RAD51B: variants seen among roughly 807,000 people sequenced by gnomAD.
RAD51B encodes the protein RAD51 paralog B.
Under a neutral mutation model 42.2 loss-of-function variants are expected in RAD51B, and 38 were observed. That is an observed-to-expected ratio of 0.90 (90% confidence interval 0.70 to 1.18). RAD51B has a LOEUF of 1.18. Ranked by LOEUF, RAD51B falls within the 50% of genes most tolerant of loss-of-function variation. The pLI is 0.00. For synonymous variants in RAD51B, 154 were observed against 145.2 expected (o/e 1.06, Z -0.43); for missense variants, 373 against 400.7 (o/e 0.93, Z 0.59).
At chr14:68,093,850 C>G (rs943104491) in intron 7 of RAD51B, among the ~76,000 whole-genome samples, 1 of 152,078 alleles carries the variant, frequency 6.6e-6, no homozygotes. Context: ...CTGGTACTCT[C>G]CAGGGTATGT....
intron 11 of RAD51B, among the ~76,000 whole-genome samples, chr14:68,670,046 G>C (rs192587706): frequency 1.3e-5 from 2 of 152,320 alleles, no homozygotes; most frequent in South Asian, 4.2e-4. Context: ...GGAGCCAAGC[G>C]CCCAGAATGG....
chr14:68,458,912 C>T (rs1053059358), intron 9 of RAD51B, among the ~76,000 whole-genome samples: 1 of 152,172 alleles, frequency 6.6e-6, no homozygotes, highest in Non-Finnish European at 1.5e-5. Flanking sequence ...AGTTTAGATG[C>T]CGCTAAACTC....
At chr14:67,893,943 T>TACCA (rs1230016050) in intron 7 of RAD51B, among the ~76,000 whole-genome samples, 2 of 152,228 alleles carry the variant, frequency 1.3e-5, no homozygotes, top group African/African-American at 4.8e-5. Flanking sequence ...GATTACTTTC[T>TACCA]ACCACCTTCA....
chr14:68,277,134 C>G (rs567011610), intron 7 of RAD51B, among the ~76,000 whole-genome samples: 4 of 152,112 alleles, frequency 2.6e-5, no homozygotes, highest in African/African-American at 9.7e-5. Flanking sequence ...TTCCATAGTC[C>G]TCTCTTGGAA....
intron 8 of RAD51B, among the ~76,000 whole-genome samples, chr14:68,398,692 G>A (rs992583712): frequency 8.5e-5 from 13 of 152,132 alleles, no homozygotes; most frequent in African/African-American, 2.9e-4. Flanking sequence ...GGGAAGCAGG[G>A]TGGGGGATTA....
At chr14:68,163,937 TG>T (rs1366359465) in intron 7 of RAD51B, among the ~76,000 whole-genome samples, 1 of 152,256 alleles carries the variant, frequency 6.6e-6, no homozygotes, top group Non-Finnish European at 1.5e-5. Context: ...TAAATGGTGC[TG>T]GGTTAATTAA....
intron 7 of RAD51B, among the ~76,000 whole-genome samples, chr14:68,067,094 A>G (rs1203516596): frequency 6.6e-6 from 1 of 152,234 alleles, no homozygotes; most frequent in African/African-American, 2.4e-5. Context: ...TGCAGAGAAA[A>G]GTACTGCTCA....
At chr14:68,482,014 AAAG>A (rs1191477336), downstream of RAD51B, among the ~76,000 whole-genome samples, 1 of 152,344 alleles carries the variant, frequency 6.6e-6, no homozygotes, top group South Asian at 2.1e-4. Flanking sequence ...TGTTCACAAG[AAAG>A]AAGGACACAG....
At chr14:68,358,194 A>C (rs1481195355) in intron 8 of RAD51B, among the ~76,000 whole-genome samples, 1 of 152,246 alleles carries the variant, frequency 6.6e-6, no homozygotes, top group Non-Finnish European at 1.5e-5. Context: ...AATTATAATG[A>C]AAAAGTCTGA....
At chr14:68,219,322 T>C (rs1431208951) in intron 7 of RAD51B, among the ~76,000 whole-genome samples, 1 of 152,202 alleles carries the variant, frequency 6.6e-6, no homozygotes, top group African/African-American at 2.4e-5. Context: ...CCCATTCAAT[T>C]GCATCCTCTC....
At chr14:68,377,962 AT>A (rs1390733065) in intron 8 of RAD51B, among the ~76,000 whole-genome samples, 3 of 152,226 alleles carry the variant, frequency 2.0e-5, no homozygotes, top group African/African-American at 7.2e-5. Context: ...ATTAAAAGTC[AT>A]TTAAAAAAAT....
intron 7 of RAD51B, among the ~76,000 whole-genome samples, chr14:68,262,557 C>G (rs906716902): frequency 1.3e-5 from 2 of 152,152 alleles, no homozygotes; most frequent in Non-Finnish European, 2.9e-5. Flanking sequence ...TCACCTGCCC[C>G]CTGACCCAGT....
Position 68,209,940 on chromosome 14 carries a change from C to T in RAD51B, c.757-81944C>T, listed in dbSNP as rs554183585. 2.0e-5 allele frequency among the ~76,000 whole-genome samples: 3 copies of T among 151,244 alleles called. No homozygotes were observed. In the East Asian group the frequency reaches 5.8e-4, roughly 29 times the overall value. On this transcript the variant is annotated intron_variant, in intron 7 of 10. Coordinates refer to ENST00000471583, the MANE Select transcript of RAD51B (RefSeq NM_133510.4). The stretch of plus-strand genomic sequence containing the variant: ...TTTCATCAGGCTGTATTAGTCTGAG[C>T]GAAACATACTCTAGGAATACCTTTT...
At chr14:68,468,688 C>T (rs1480888308) in intron 10 of RAD51B, 4 of 316,340 alleles carry the variant, frequency 1.3e-5, no homozygotes, top group Admixed American at 4.2e-5. Context: ...AATGTCATGG[C>T]TCCATGAGCC....
chr14:68,132,124 C>T (rs2077904999), intron 7 of RAD51B, among the ~76,000 whole-genome samples: 1 of 152,158 alleles, frequency 6.6e-6, no homozygotes. Context: ...CAGCAACTTT[C>T]AGTGTTTTTG....
At chr14:68,388,054 T>TTGTG (rs140319319) in intron 8 of RAD51B, among the ~76,000 whole-genome samples, 3 of 120,408 alleles carry the variant, frequency 2.5e-5, no homozygotes, top group Admixed American at 9.2e-5. Flanking sequence ...GTGACTTGCA[T>TTGTG]TGTGTGTGTG....
chr14:68,191,082 A>G (rs1201727986), intron 7 of RAD51B, among the ~76,000 whole-genome samples: 1 of 152,166 alleles, frequency 6.6e-6, no homozygotes, highest in Non-Finnish European at 1.5e-5. Context: ...AATGTTATAA[A>G]TATAAAAAAG....
chr14:68,331,255 G>A (rs1005469215), intron 8 of RAD51B, among the ~76,000 whole-genome samples: 26 of 150,650 alleles, frequency 1.7e-4, no homozygotes, highest in African/African-American at 4.9e-4. Flanking sequence ...CTAGCTACTC[G>A]GGAGGCTGAG....
At chr14:68,096,097 T>A (rs1211515607) in intron 7 of RAD51B, among the ~76,000 whole-genome samples, 1 of 152,210 alleles carries the variant, frequency 6.6e-6, no homozygotes, top group Non-Finnish European at 1.5e-5. Flanking sequence ...GCCCATCTTT[T>A]TCATACTTGA....
Sources: allele counts gnomAD v4.1 joint callset (sites outside exome capture counted in the v4.1 genomes callset), GRCh38; gene constraint gnomAD v4.1.1; transcripts MANE v1.5; gene names NCBI Gene and HGNC (gene_info 2026-07-23, HGNC 2026-07-21).